The following SETD1B variants were observed in gnomAD, a reference collection of about 807,000 sequenced individuals.
SETD1B encodes the protein SET domain containing 1B, histone lysine methyltransferase, also known as histone-lysine N-methyltransferase SETD1B.
SETD1B carries 7 observed loss-of-function variants against 148.0 expected under a neutral mutation model. That is an observed-to-expected ratio of 0.05 (90% CI 0.03 to 0.09). SETD1B has a LOEUF of 0.09. Among genes scored for constraint, SETD1B ranks in the 10% least tolerant of loss-of-function variants. The pLI, the probability that SETD1B is intolerant of heterozygous loss-of-function variation, is 1.00. For synonymous variants in SETD1B, 1,361 were observed against 1,186.5 expected, an observed-to-expected ratio of 1.15 and a Z score of -3.02; for missense variants, 2,155 against 2,729.9, an observed-to-expected ratio of 0.79 and a Z score of 4.69.
In SETD1B at chr12:121,805,659, G is replaced by T. The variant is rs1592973461; in HGVS notation, c.274-176G>T. Among the ~76,000 whole-genome samples the T allele has an allele frequency of 6.7e-6, 1 of 149,822 alleles. No individual in the cohort carries two copies. Among genetic ancestry groups the T allele is most frequent in the South Asian group, 2.1e-4 (1 of 4,706 alleles). On this transcript the variant is annotated intron_variant, in intron 3 of 16. Transcript: ENST00000604567. This position sits in a 1 kb window ranked among gnomAD's most constrained non-coding sequence, Gnocchi z 4.2. ...ATTTAATCCTCCGCTTCCCGGGCCC[G>T]CCCGCGTGCATTTTTTTTTTCCAAA...
chr12:121,807,844 G>A (rs1342781823), intron 4 of SETD1B, among the ~76,000 whole-genome samples: 2 of 151,580 alleles, frequency 1.3e-5, no homozygotes, highest in Admixed American at 6.6e-5. Context: ...CAAGCCCCTG[G>A]GTATTGAGCA....
chr12:121,827,210 TG>T (rs1758856621), intron 13 of SETD1B, among the ~76,000 whole-genome samples: 1 of 149,950 alleles, frequency 6.7e-6, no homozygotes, highest in Non-Finnish European at 1.5e-5. Context: ...TGAACGCTTG[TG>T]GGGTGAGAGG....
intron 10 of SETD1B, among the ~76,000 whole-genome samples, chr12:121,818,582 A>T (rs951502649): frequency 6.7e-6 from 1 of 149,270 alleles, no homozygotes; most frequent in Non-Finnish European, 1.5e-5. Flanking sequence ...AATAAATAAA[A>T]TTTTTTTTAC....
At chr12:121,799,727 GGGGT>G (rs1220050729), upstream of SETD1B, 6 of 67,022 alleles carry the variant, frequency 9.0e-5, no homozygotes, top group South Asian at 8.1e-4. Flanking sequence ...TGGGGGGGGG[GGGGT>G]GGGGTGGGGC....
At chr12:121,823,820 C>T (rs1016972242) in intron 12 of SETD1B, 71 bp downstream of exon 12, 66 of 1,475,254 alleles carry the variant, frequency 4.5e-5, no homozygotes, top group Admixed American at 1.3e-4. Flanking sequence ...CTCTGGGCCC[C>T]ACCACCCAGT....
rs151269442 is a variant in SETD1B, at chr12:121,810,931, G to C, written c.1890+96G>C. ...CATTTAGCATGACTAGCTAAGATGCGGAAGCAATGGGGCTAGGAAAGCCAA... is the reference window on the plus strand; with the variant it reads ...CATTTAGCATGACTAGCTAAGATGCCGAAGCAATGGGGCTAGGAAAGCCAA... On this transcript the variant is annotated intron_variant, in intron 6 of 16. Coordinates refer to ENST00000604567, the MANE Select transcript of SETD1B (RefSeq NM_001353345.2). This position sits in a 1 kb window ranked among gnomAD's most constrained non-coding sequence, Gnocchi z 7.6. 2.2e-6 allele frequency: 3 copies of C among 1,382,948 alleles called. No homozygotes were observed. The highest frequency in any genetic ancestry group is 2.9e-5 in the African/African-American group (2 of 68,340). The allele number at this position is 1,382,948 out of a possible 1,614,324, so 85.7% of individuals were successfully genotyped here.
At chr12:121,807,162 C>T (rs1352041383) in intron 4 of SETD1B, among the ~76,000 whole-genome samples, 1 of 152,158 alleles carries the variant, frequency 6.6e-6, no homozygotes, top group East Asian at 1.9e-4. Flanking sequence ...GAGCTCTAAG[C>T]CGGTGCCGGG....
In SETD1B at chr12:121,808,830, A is replaced by G. The variant is rs1235563309; in HGVS notation, c.657+510A>G. ...CTCATGCCAGCTCCTCCCTGGCATC[A>G]GGCTGACTAGCTGCCACTGGCCTGT... On this transcript the variant is annotated intron_variant, in intron 5 of 16. Coordinates refer to ENST00000604567, the MANE Select transcript of SETD1B (RefSeq NM_001353345.2). The surrounding 1 kb of genome is among the most constrained non-coding windows in gnomAD (Gnocchi z 5.3). 6.6e-6 allele frequency among the ~76,000 whole-genome samples: 1 copy of G among 152,302 alleles called. No individual in the cohort carries two copies. Among genetic ancestry groups the G allele is most frequent in the South Asian group, 2.1e-4 (1 of 4,822 alleles).
chr12:121,807,444 TAAAAAAA>T (rs33988047), intron 4 of SETD1B, among the ~76,000 whole-genome samples: 1 of 132,762 alleles, frequency 7.5e-6, no homozygotes, highest in Admixed American at 7.3e-5. Flanking sequence ...TTCAATTCTG[TAAAAAAA>T]AAAAAAAAAA....
chr12:121,830,046 C>T lies in SETD1B; in HGVS notation c.5728-20C>T, dbSNP rs1877020519. The T allele has an allele frequency of 6.5e-7, 1 of 1,540,654 alleles. No homozygotes were observed. On this transcript the variant is annotated intron_variant, in intron 16 of 16. Coordinates refer to ENST00000604567, the MANE Select transcript of SETD1B (RefSeq NM_001353345.2). This position sits in a 1 kb window ranked among gnomAD's most constrained non-coding sequence, Gnocchi z 5.7. ...CCCTGGGGGACCAGGGGCTCATTCTCCCCCCCACCTTGCCTGCAGCCCAAC... is the reference window on the plus strand; with the variant it reads ...CCCTGGGGGACCAGGGGCTCATTCTTCCCCCCACCTTGCCTGCAGCCCAAC...
At position 121,822,851 on chromosome 12, in the gene SETD1B, G is replaced by A. The variant is rs964657709; in HGVS notation, c.4272G>A (p.Arg1424=). 6.7e-7 allele frequency: 1 copy of A among 1,488,120 alleles called. No homozygotes were observed. The allele number at this position is 1,488,120 out of a possible 1,614,324, so 92.2% of individuals were successfully genotyped here. ...SPSLSSGGLP[R]TPGRDFSFTP... ...GCTTGAGCAGTGGGGGCCTCCCTCG[G>A]ACACCTGGCCGGGACTTCAGCTTCA... Residue 1424 remains arginine, a synonymous_variant, in exon 12 of 17, where the codon CGG becomes CGA. Coordinates refer to ENST00000604567, the MANE Select transcript of SETD1B (RefSeq NM_001353345.2).
chr12:121,820,388 A>G (rs1435331348), intron 11 of SETD1B, among the ~76,000 whole-genome samples: 1 of 152,248 alleles, frequency 6.6e-6, no homozygotes, highest in South Asian at 2.1e-4. Flanking sequence ...TGTGCTGTCC[A>G]GCACTGTAGC....
In SETD1B at chr12:121,817,012, C is replaced by T; in HGVS notation, c.2716-21C>T. ...TGGTGGTGCCAGAAGCGGTGACGGT[C>T]CCCTCCTGTCTCCACCCCAGGCCTC... is the stretch of plus-strand genomic sequence containing the variant. On this transcript the variant is annotated intron_variant, in intron 7 of 16. Transcript: ENST00000604567. The surrounding 1 kb of genome is among the most constrained non-coding windows in gnomAD (Gnocchi z 8.1). The T allele has an allele frequency of 6.7e-7, 1 of 1,484,240 alleles. No homozygotes were observed. Among genetic ancestry groups the T allele is most frequent in the South Asian group, 1.3e-5 (1 of 75,162 alleles). 91.9% of individuals were successfully genotyped at this position (1,484,240 alleles called of 1,614,324 possible).
rs1362955291 is a variant in SETD1B, at chr12:121,822,544, A to C, written c.3965A>C (p.Gln1322Pro). 1 of 1,550,892 alleles carries C rather than the reference A, an allele frequency of 6.4e-7. No homozygotes were observed. Among genetic ancestry groups the C allele is most frequent in the East Asian group, 2.4e-5 (1 of 40,908 alleles). ...EPPMMLPLPL[Q>P]PPLPPPRPPR... ...CCTATGATGCTCCCCTTGCCGCTGC[A>C]ACCACCATTGCCGCCCCCACGACCA... The change falls in exon 12 of 17, where the codon CAA becomes CCA. Residue 1322 changes from glutamine to proline, a missense_variant. Gln to Pro is a moderately conservative substitution (Grantham distance 76). Around this residue, in one of 11 missense-constraint regions of SETD1B, gnomAD observed 862 missense variants for 873.8 expected, o/e 0.99. Coordinates refer to ENST00000604567, the MANE Select transcript of SETD1B (RefSeq NM_001353345.2).
chr12:121,795,877 G>A, the SETD1B span: 12 of 152,702 alleles, frequency 7.9e-5, no homozygotes, highest in African/African-American at 2.7e-4. Context: ...GACAGCACAA[G>A]CTTGCACAGA....
intron 13 of SETD1B, 112 bp downstream of exon 13, chr12:121,825,478 T>G: frequency 8.0e-6 from 5 of 625,028 alleles, no homozygotes; most frequent in East Asian, 6.1e-5. Flanking sequence ...CCAGAGGGGC[T>G]GGCACACAGA....
At chr12:121,800,269 A>C, upstream of SETD1B, 1 of 150,452 alleles carries the variant, frequency 6.6e-6, no homozygotes, top group Non-Finnish European at 1.5e-5. Context: ...GGCTTCCCCC[A>C]CCTCCTGCCT....
Position 121,822,917 on chromosome 12 carries a change from C to G in SETD1B, c.4338C>G (p.Pro1446=). ...FSEPSGPLLL[P]VCPLPTGRRD... is the part of the protein sequence containing the mutation. Reference sequence around the variant, plus strand: ...AGCCCAGCGGGCCCTTGCTCCTGCCCGTCTGCCCACTCCCCACTGGCCGAC... The same window carrying G: ...AGCCCAGCGGGCCCTTGCTCCTGCCGGTCTGCCCACTCCCCACTGGCCGAC... Residue 1446 remains proline, a synonymous_variant, in exon 12 of 17, where the codon CCC becomes CCG. Coordinates refer to ENST00000604567, the MANE Select transcript of SETD1B (RefSeq NM_001353345.2). The G allele has an allele frequency of 1.3e-6, 2 of 1,513,744 alleles. No homozygotes were observed. The highest frequency in any genetic ancestry group is 1.8e-6 in the Non-Finnish European group (2 of 1,127,344). 93.8% of individuals were successfully genotyped at this position (1,513,744 alleles called of 1,614,324 possible). A position where few individuals can be genotyped will look rare whatever the true frequency, so the allele number is the denominator to read the frequency against.
upstream of SETD1B, chr12:121,799,222 G>A (rs1875173439): frequency 6.6e-6 from 1 of 152,254 alleles, no homozygotes; most frequent in African/African-American, 2.4e-5. Flanking sequence ...GCTTACGCAA[G>A]GCCATAGCTG....
Sources: gnomAD v4.1 joint callset for allele counts (sites outside exome capture counted in the v4.1 genomes callset) on GRCh38, gnomAD v4.1.1 for gene constraint, gnomAD v4.1.1 regional missense constraint, Gnocchi (gnomAD v3.1) non-coding constraint, MANE v1.5 for transcripts, NCBI Gene and HGNC (gene_info 2026-07-23, HGNC 2026-07-21) for gene names.